Variants in FOXK1 observed in about 807,000 individuals in gnomAD.
FOXK1 encodes the protein forkhead box protein K1.
A neutral mutation model predicts 51.9 loss-of-function variants in FOXK1; 19 were observed. That is an observed-to-expected ratio of 0.37 (90% CI 0.26 to 0.54). The LOEUF is 0.54. Among genes scored for constraint, FOXK1 ranks in the 20% least tolerant of loss-of-function variants. FOXK1 has a pLI of 0.87. For missense variants in FOXK1, 870 were observed against 1,032.7 expected, an observed-to-expected ratio of 0.84 and a Z score of 2.16; for synonymous variants, 537 against 482.6, an observed-to-expected ratio of 1.11 and a Z score of -1.48.
Position 4,770,580 on chromosome 7 carries a change from A to T in FOXK1, c.*8116A>T, listed in dbSNP as rs893508374. The T allele has an allele frequency of 6.6e-6, 1 of 152,098 alleles. No homozygotes were observed. Among genetic ancestry groups the T allele is most frequent in the African/African-American group, 2.4e-5 (1 of 41,408 alleles). 9.4% of individuals were successfully genotyped at this position (152,098 alleles called of 1,614,324 possible). ...TTTAAGTTTGGCTCTTCTTTTTTTC[A>T]AGAAAGGCTTTTTGGATACCTAGAA... On this transcript the variant is annotated 3_prime_UTR_variant, in exon 9 of 9. Coordinates refer to ENST00000328914, the MANE Select transcript of FOXK1 (RefSeq NM_001037165.2).
intron 1 of FOXK1, among the ~76,000 whole-genome samples, chr7:4,706,997 C>A (rs896494504): frequency 6.6e-6 from 1 of 152,256 alleles, no homozygotes; most frequent in African/African-American, 2.4e-5. Context: ...AATAACTTAC[C>A]TACTTCATGC....
chr7:4,752,608 G>A (rs1449339693), intron 2 of FOXK1, among the ~76,000 whole-genome samples: 3 of 152,234 alleles, frequency 2.0e-5, no homozygotes, highest in Non-Finnish European at 4.4e-5. Context: ...ATGGGCCTCG[G>A]ATGAGATTTT....
rs113714190 is a variant in FOXK1 at position 4,737,473 on chromosome 7, T to C, written c.561-3365T>C. Among the ~76,000 whole-genome samples, 306 of 150,700 alleles carry C rather than the reference T, an allele frequency of 2.0e-3. 1 individual carries two copies. The highest frequency in any genetic ancestry group is 6.7e-3 in the African/African-American group (271 of 40,400). On this transcript the variant is annotated intron_variant, in intron 1 of 8. Coordinates refer to ENST00000328914, the MANE Select transcript of FOXK1 (RefSeq NM_001037165.2). ...GCGTGCACGTGTGCATGTGTGTGTG[T>C]GCGTGGGTGTGGGCGTGTGCGTGGG...
rs930151271 is a variant in FOXK1, at chr7:4,722,547, G to C, written c.561-18291G>C. Among the ~76,000 whole-genome samples the C allele has an allele frequency of 6.6e-6, 1 of 152,224 alleles. No homozygotes were observed. The highest frequency in any genetic ancestry group is 6.5e-5 in the Admixed American group (1 of 15,284). On this transcript the variant is annotated intron_variant, in intron 1 of 8. Coordinates refer to ENST00000328914, the MANE Select transcript of FOXK1 (RefSeq NM_001037165.2). This position sits in a 1 kb window ranked among gnomAD's most constrained non-coding sequence, Gnocchi z 5.1. ...TGCTGGGACGGGTACACTCGTGCCT[G>C]TTAACCGCACACCTGCGTGCAGCAC...
At chr7:4,742,241 C>T (rs576735736) in intron 2 of FOXK1, among the ~76,000 whole-genome samples, 4 of 152,314 alleles carry the variant, frequency 2.6e-5, no homozygotes, top group African/African-American at 7.2e-5. Context: ...TCAGGGCCCT[C>T]GGGGACATCT....
chr7:4,753,549 G>A lies in FOXK1; in HGVS notation c.747-910G>A, dbSNP rs1780805684. Among the ~76,000 whole-genome samples the A allele has an allele frequency of 6.6e-6, 1 of 152,222 alleles. No homozygotes were observed. Among genetic ancestry groups the A allele is most frequent in the Admixed American group, 6.5e-5 (1 of 15,290 alleles). On this transcript the variant is annotated intron_variant, in intron 2 of 8. Transcript: ENST00000328914. This position sits in a 1 kb window ranked among gnomAD's most constrained non-coding sequence, Gnocchi z 4.9. ...CACAGGTGGGCAGGGTCCATCTCAG[G>A]ACGGGGCTAGGTGGGTGCCCGTGAG...
At chr7:4,726,621 C>CAA (rs557341220) in intron 1 of FOXK1, among the ~76,000 whole-genome samples, 6 of 137,818 alleles carry the variant, frequency 4.4e-5, no homozygotes, top group African/African-American at 1.1e-4. Flanking sequence ...GACTCCGTCT[C>CAA]AAAAAAAAAA....
chr7:4,684,451 G>A (rs1779793790), intron 1 of FOXK1, among the ~76,000 whole-genome samples: 1 of 152,136 alleles, frequency 6.6e-6, no homozygotes, highest in South Asian at 2.1e-4. Flanking sequence ...CTCCCCCTTG[G>A]GGCGTGAGAG....
In FOXK1 at chr7:4,730,993, C is replaced by A. The variant is rs1307989342; in HGVS notation, c.561-9845C>A. On this transcript the variant is annotated intron_variant, in intron 1 of 8. Coordinates refer to ENST00000328914, the MANE Select transcript of FOXK1 (RefSeq NM_001037165.2). The surrounding 1 kb of genome is among the most constrained non-coding windows in gnomAD (Gnocchi z 4.7). ...ACTAGCCTGGGCAACATAACAAGACCCTGTCTCTACAAAAAATCAAAACCA... is the reference window on the plus strand; with the variant it reads ...ACTAGCCTGGGCAACATAACAAGACACTGTCTCTACAAAAAATCAAAACCA... Among the ~76,000 whole-genome samples, 2 of 151,932 alleles carry A rather than the reference C, an allele frequency of 1.3e-5. No homozygotes were observed. The highest frequency in any genetic ancestry group is 4.8e-5 in the African/African-American group (2 of 41,358).
rs10247853 is a variant in FOXK1, at chr7:4,725,140, G to A, written c.561-15698G>A. Among the ~76,000 whole-genome samples, 712 of 152,358 alleles carry A rather than the reference G, an allele frequency of 4.7e-3. 2 individuals carry two copies. Among genetic ancestry groups the A allele is most frequent in the African/African-American group, 0.016 (674 of 41,594 alleles). ...AAACCCCACTGTGCTGTGCTCTCTC[G>A]CAGTTCCTGCAGGCGCGCGTTCTCT... On this transcript the variant is annotated intron_variant, in intron 1 of 8. Transcript: ENST00000328914.
chr7:4,762,191 C>T lies in FOXK1; in HGVS notation c.1929C>T (p.Thr643=). The T allele has an allele frequency of 1.3e-6, 2 of 1,551,322 alleles. No homozygotes were observed. The highest frequency in any genetic ancestry group is 1.7e-6 in the Non-Finnish European group (2 of 1,145,656). The change falls in exon 9 of 9, where the codon ACC becomes ACT. Residue 643 remains threonine (T), a synonymous_variant. Transcript: ENST00000328914. The surrounding 1 kb of genome is among the most constrained non-coding windows in gnomAD (Gnocchi z 5.7). The part of the protein sequence containing the change: ...NSLAGNAYAL[T]SPLQLLATQA... The stretch of plus-strand genomic sequence containing the variant: ...CTTCTTCCTCCACTCCAGCCCTCAC[C>T]AGCCCTTTGCAGCTCCTTGCGACCC...
Position 4,771,320 on chromosome 7 carries a change from T to G in FOXK1, c.*8856T>G, listed in dbSNP as rs1023732800. ...CAAAGTTTAAAATTTCTACTTTTTG[T>G]TTTTCATTTATTTTAACTGTTCTTT... On this transcript the variant is annotated 3_prime_UTR_variant, in exon 9 of 9. Coordinates refer to ENST00000328914, the MANE Select transcript of FOXK1 (RefSeq NM_001037165.2). 1 of 152,636 alleles carries G rather than the reference T, an allele frequency of 6.6e-6. No homozygotes were observed. The highest frequency in any genetic ancestry group is 1.5e-5 in the Non-Finnish European group (1 of 68,030). 9.5% of individuals were successfully genotyped at this position (152,636 alleles called of 1,614,324 possible).
rs577632482 is a variant in FOXK1, at chr7:4,766,110, C to G, written c.*3646C>G. ...AGTTCTCCCGGTGACACCTGCCCTC[C>G]GTTGAGGGTGGAATCTGTCACTCAT... On this transcript the variant is annotated 3_prime_UTR_variant, in exon 9 of 9. Transcript: ENST00000328914. This position sits in a 1 kb window ranked among gnomAD's most constrained non-coding sequence, Gnocchi z 5.5. The G allele has an allele frequency of 6.6e-6, 1 of 152,416 alleles. No individual in the cohort carries two copies. Among genetic ancestry groups the G allele is most frequent in the South Asian group, 2.1e-4 (1 of 4,826 alleles). 9.4% of individuals were successfully genotyped at this position (152,416 alleles called of 1,614,324 possible).
intron 1 of FOXK1, among the ~76,000 whole-genome samples, chr7:4,699,990 C>A (rs149327848): frequency 3.1e-4 from 47 of 152,284 alleles, no homozygotes; most frequent in African/African-American, 1.1e-3. Flanking sequence ...TGATAATGGG[C>A]TCCTTCTTGT....
intron 1 of FOXK1, among the ~76,000 whole-genome samples, chr7:4,716,126 C>A (rs903308559): frequency 1.3e-5 from 2 of 151,524 alleles, no homozygotes; most frequent in African/African-American, 4.9e-5. Flanking sequence ...GAGGCTGAGG[C>A]AGGAGAATTG....
In FOXK1 at chr7:4,735,061, G is replaced by A. The variant is rs1054950148; in HGVS notation, c.561-5777G>A. Among the ~76,000 whole-genome samples the A allele has an allele frequency of 1.3e-4, 20 of 152,204 alleles. No individual in the cohort carries two copies. Among genetic ancestry groups the A allele is most frequent in the East Asian group, 5.8e-4 (3 of 5,190 alleles). Reference sequence around the variant, plus strand: ...TTTCCTGACAGCTTTCTGTTTGGCCGGGCAGGTGGTAGGATTTGTGGCCTA... The same window carrying A: ...TTTCCTGACAGCTTTCTGTTTGGCCAGGCAGGTGGTAGGATTTGTGGCCTA... On this transcript the variant is annotated intron_variant, in intron 1 of 8. Coordinates refer to ENST00000328914, the MANE Select transcript of FOXK1 (RefSeq NM_001037165.2). The surrounding 1 kb of genome is among the most constrained non-coding windows in gnomAD (Gnocchi z 4.7).
intron 1 of FOXK1, among the ~76,000 whole-genome samples, chr7:4,716,497 C>A (rs1780236775): frequency 2.0e-5 from 3 of 152,094 alleles, no homozygotes; most frequent in African/African-American, 7.2e-5. Context: ...CACAGCAAGG[C>A]CCTGTGTCCC....
At chr7:4,738,397 A>G (rs1221744369) in intron 1 of FOXK1, among the ~76,000 whole-genome samples, 2 of 151,640 alleles carry the variant, frequency 1.3e-5, no homozygotes, top group Admixed American at 6.6e-5. Flanking sequence ...AGATTGCGCC[A>G]TTGTATTCCA....
intron 1 of FOXK1, among the ~76,000 whole-genome samples, chr7:4,736,402 A>T (rs1040971296): frequency 2.6e-5 from 4 of 151,184 alleles, no homozygotes; most frequent in Non-Finnish European, 4.4e-5. Context: ...CATATCATCT[A>T]GAATCAGTTT....
Sources: gnomAD v4.1 joint callset for allele counts (sites outside exome capture counted in the v4.1 genomes callset) on GRCh38, gnomAD v4.1.1 for gene constraint, Gnocchi (gnomAD v3.1) non-coding constraint, MANE v1.5 for transcripts, NCBI Gene and HGNC (gene_info 2026-07-23, HGNC 2026-07-21) for gene names.